The following KCNJ15 variants were observed in gnomAD, a reference collection of about 807,000 sequenced individuals.
The protein encoded by KCNJ15 is ATP-sensitive inward rectifier potassium channel 15.
KCNJ15 carries 14 observed loss-of-function variants against 23.0 expected under a neutral mutation model. The ratio of observed to expected loss-of-function variants is 0.61; its 90% CI spans 0.40 to 0.95. The LOEUF is 0.95. Ranked by LOEUF, KCNJ15 falls within the 40% of genes least tolerant of loss-of-function variation. The pLI, the probability that KCNJ15 is intolerant of heterozygous loss-of-function variation, is 0.00. For missense variants in KCNJ15, 388 were observed against 461.8 expected, an observed-to-expected ratio of 0.84 and a Z score of 1.46; for synonymous variants, 185 against 183.2, an observed-to-expected ratio of 1.01 and a Z score of -0.08.
At chr21:38,234,499 A>G (rs940038060) in intron 1 of KCNJ15, among the ~76,000 whole-genome samples, 8 of 152,224 alleles carry the variant, frequency 5.3e-5, no homozygotes, top group African/African-American at 1.7e-4. Flanking sequence ...AACAATGGTA[A>G]TTAAGAGACT....
rs187476101 is a variant in KCNJ15, at chr21:38,241,873, G to A, written c.-398-15173G>A. Among the ~76,000 whole-genome samples the A allele has an allele frequency of 1.1e-3, 168 of 151,582 alleles. 1 individual carries two copies. Among genetic ancestry groups the A allele is most frequent in the Middle Eastern group, 0.01 (3 of 292 alleles). ...AATCCCAGCTACTTGGAAGACTGAG[G>A]CAGGAGAATCGCTTGAACCAGGGAG... is the stretch of plus-strand genomic sequence containing the variant. On this transcript the variant is annotated intron_variant, in intron 1 of 4. Coordinates refer to the KCNJ15 transcript ENST00000547341.
chr21:38,295,211 A>C (rs1340884059), intron 1 of KCNJ15, among the ~76,000 whole-genome samples: 1 of 152,204 alleles, frequency 6.6e-6, no homozygotes, highest in Non-Finnish European at 1.5e-5. Context: ...ACAACATTCT[A>C]TTTAGAGCAT....
At chr21:38,282,602 C>G (rs1983473416) in intron 1 of KCNJ15, among the ~76,000 whole-genome samples, 1 of 152,090 alleles carries the variant, frequency 6.6e-6, no homozygotes, top group Non-Finnish European at 1.5e-5. Context: ...GACTGGATTC[C>G]TCTCTGGGAT....
intron 1 of KCNJ15, among the ~76,000 whole-genome samples, chr21:38,247,057 A>AATGG (rs1234072753): frequency 0.043 from 5,200 of 119,680 alleles, 158 homozygotes; most frequent in Non-Finnish European, 0.061. Context: ...TGGATGGGTG[A>AATGG]ATGGATGGAT....
intron 1 of KCNJ15, among the ~76,000 whole-genome samples, chr21:38,265,924 G>A (rs1008068808): frequency 5.3e-5 from 8 of 152,134 alleles, no homozygotes; most frequent in East Asian, 3.9e-4. Context: ...AGAACAAGAC[G>A]ACTTCCAGGG....
At chr21:38,251,829 C>A (rs529344268), upstream of KCNJ15, among the ~76,000 whole-genome samples, 55 of 152,282 alleles carry the variant, frequency 3.6e-4, no homozygotes, top group Non-Finnish European at 7.1e-4. Flanking sequence ...GGTCACCTTA[C>A]AAAGGAATGA....
At chr21:38,270,756 A>G (rs1460556796) in intron 1 of KCNJ15, among the ~76,000 whole-genome samples, 2 of 152,200 alleles carry the variant, frequency 1.3e-5, no homozygotes, top group Admixed American at 6.5e-5. Context: ...AAAATCAGCA[A>G]ATTTGACCAG....
chr21:38,259,797 A>G (rs572469684), intron 1 of KCNJ15, among the ~76,000 whole-genome samples: 4 of 152,264 alleles, frequency 2.6e-5, no homozygotes, highest in East Asian at 1.9e-4. Flanking sequence ...GCCTTATTCT[A>G]TGCCCCTCAA....
Position 38,307,330 on chromosome 21 carries a change from C to T in KCNJ15, c.*6941C>T, listed in dbSNP as rs2146365568. On this transcript the variant is annotated 3_prime_UTR_variant, in exon 3 of 3. Transcript: ENST00000398938. ...CTGTAACTTGTGAAACAATGGCAAA[C>T]ACTATAAAGCTAATTTTACAGTCTT... is the stretch of plus-strand genomic sequence containing the variant. 1 of 152,158 alleles carries T rather than the reference C, an allele frequency of 6.6e-6. No homozygotes were observed. Among genetic ancestry groups the T allele is most frequent in the East Asian group, 1.9e-4 (1 of 5,182 alleles). 9.4% of individuals were successfully genotyped at this position (152,158 alleles called of 1,614,324 possible).
chr21:38,277,668 G>A (rs536144782), intron 1 of KCNJ15, among the ~76,000 whole-genome samples: 2 of 152,112 alleles, frequency 1.3e-5, no homozygotes, highest in Admixed American at 6.5e-5. Flanking sequence ...CAGATAAAAG[G>A]AAGTTCTTCT....
chr21:38,269,385 G>GA lies in KCNJ15; in HGVS notation c.-117+12206dup, dbSNP rs535370396. 9.2e-5 allele frequency among the ~76,000 whole-genome samples: 14 copies of GA among 152,262 alleles called. No individual in the cohort carries two copies. The South Asian group carries it at 2.9e-3, about 32-fold the overall frequency. On this transcript the variant is annotated intron_variant, in intron 1 of 2. Transcript: ENST00000398938. The stretch of plus-strand genomic sequence containing the variant: ...CTTGTATAAACAAGAGTTGCAATGT[G>GA]AAAAAACTCACTTGCTGGGTTTGCC...
intron 1 of KCNJ15, among the ~76,000 whole-genome samples, chr21:38,264,403 G>A (rs1009454051): frequency 6.6e-5 from 10 of 152,142 alleles, no homozygotes; most frequent in Admixed American, 2.6e-4. Flanking sequence ...TAGCTGGTTC[G>A]CCCTGCTTGG....
chr21:38,251,083 A>T (rs1257264541), intron 1 of KCNJ15, among the ~76,000 whole-genome samples: 5 of 152,192 alleles, frequency 3.3e-5, no homozygotes, highest in African/African-American at 4.8e-5. Flanking sequence ...CCACACATTG[A>T]TGAATGATCC....
intron 1 of KCNJ15, among the ~76,000 whole-genome samples, chr21:38,273,025 A>G (rs1007008051): frequency 2.7e-4 from 41 of 152,372 alleles, no homozygotes; most frequent in African/African-American, 9.4e-4. Context: ...AGATATACAA[A>G]TAAGTAACTT....
At chr21:38,260,222 A>T (rs1980737620) in intron 1 of KCNJ15, among the ~76,000 whole-genome samples, 1 of 152,228 alleles carries the variant, frequency 6.6e-6, no homozygotes, top group East Asian at 1.9e-4. Flanking sequence ...TAAAAAGGCC[A>T]GGCGAGAAAG....
intron 1 of KCNJ15, among the ~76,000 whole-genome samples, chr21:38,250,719 T>G (rs1348492017): frequency 6.6e-6 from 1 of 152,200 alleles, no homozygotes; most frequent in African/African-American, 2.4e-5. Context: ...AAAGCTGAAA[T>G]GTGTGATTGA....
intron 1 of KCNJ15, among the ~76,000 whole-genome samples, chr21:38,279,518 G>T (rs995646631): frequency 6.6e-6 from 1 of 152,146 alleles, no homozygotes; most frequent in Non-Finnish European, 1.5e-5. Flanking sequence ...GAAGAGAGTA[G>T]CAGCAGACTG....
At chr21:38,269,033 C>G (rs1981799290) in intron 1 of KCNJ15, 1 of 152,250 alleles carries the variant, frequency 6.6e-6, no homozygotes, top group South Asian at 2.1e-4. Flanking sequence ...AGTTTCTCAC[C>G]TACAAAAGGC....
At chr21:38,266,542 G>A (rs1215597513) in intron 1 of KCNJ15, among the ~76,000 whole-genome samples, 1 of 152,124 alleles carries the variant, frequency 6.6e-6, no homozygotes, top group Non-Finnish European at 1.5e-5. Context: ...TATCATTGAT[G>A]GGCATTAGGG....
Sources: allele counts gnomAD v4.1 joint callset (sites outside exome capture counted in the v4.1 genomes callset), GRCh38; gene constraint gnomAD v4.1.1; transcripts MANE v1.5; gene names NCBI Gene and HGNC (gene_info 2026-07-23, HGNC 2026-07-21).